The following CREBBP variants were observed in gnomAD, a reference collection of about 807,000 sequenced individuals.
CREBBP encodes the protein CREB-binding protein.
CREBBP carries 19 observed loss-of-function variants against 265.0 expected under a neutral mutation model. The observed-to-expected ratio is 0.07, with a 90% confidence interval of 0.05 to 0.11. The LOEUF (loss-of-function observed/expected upper bound fraction) is 0.11. Among genes scored for constraint, CREBBP ranks in the 10% least tolerant of loss-of-function variants. The pLI, the probability that CREBBP is intolerant of heterozygous loss-of-function variation, is 1.00. For missense variants in CREBBP, 2,525 were observed against 3,219.0 expected (o/e 0.78, Z 5.22); for synonymous variants, 1,457 against 1,223.7 (o/e 1.19, Z -3.98).
intron 2 of CREBBP, among the ~76,000 whole-genome samples, 175 bp from the exon 3 acceptor site, chr16:3,810,954 A>G (rs2053927382): frequency 6.6e-6 from 1 of 151,306 alleles, no homozygotes; most frequent in Admixed American, 6.6e-5. Flanking sequence ...CCTAGCAGCC[A>G]CTCTCTCCTC....
At chr16:3,779,935 C>T (rs1001636120) in intron 8 of CREBBP, among the ~76,000 whole-genome samples, 2 of 151,860 alleles carry the variant, frequency 1.3e-5, no homozygotes, top group Non-Finnish European at 2.9e-5. Flanking sequence ...AAGACTCCGT[C>T]TCTCTCTCTC....
At chr16:3,876,334 T>G (rs113036831) in intron 1 of CREBBP, among the ~76,000 whole-genome samples, 2 of 133,028 alleles carry the variant, frequency 1.5e-5, no homozygotes, top group Non-Finnish European at 3.1e-5. Flanking sequence ...GCCACCACCC[T>G]GGCCTGCAAT....
At chr16:3,797,815 T>C (rs553307544) in intron 3 of CREBBP, among the ~76,000 whole-genome samples, 4 of 151,544 alleles carry the variant, frequency 2.6e-5, no homozygotes, top group African/African-American at 9.7e-5. Context: ...TGAATAAAAA[T>C]GGCTTAAAAT....
At chr16:3,871,099 A>G (rs565241994) in intron 1 of CREBBP, among the ~76,000 whole-genome samples, 1 of 152,042 alleles carries the variant, frequency 6.6e-6, no homozygotes, top group African/African-American at 2.4e-5. Flanking sequence ...AAAGAAAGAA[A>G]AAAGAAAGAA....
chr16:3,843,827 C>T (rs553219350), intron 2 of CREBBP, among the ~76,000 whole-genome samples: 3 of 152,068 alleles, frequency 2.0e-5, no homozygotes, highest in East Asian at 3.9e-4. Flanking sequence ...AATTCCAAAT[C>T]GATTTAAACT....
intron 1 of CREBBP, among the ~76,000 whole-genome samples, chr16:3,866,787 A>G (rs1284530778): frequency 1.3e-5 from 2 of 151,986 alleles, no homozygotes; most frequent in Admixed American, 1.3e-4. Flanking sequence ...ATATCTTTCT[A>G]CCCCTAAAAG....
intron 2 of CREBBP, among the ~76,000 whole-genome samples, chr16:3,813,945 C>A (rs130046): frequency 0.9 from 137,187 of 152,228 alleles, 63,233 homozygotes; most frequent in Non-Finnish European, 0.99. Context: ...TGCCCAGGCA[C>A]CCTGGCTCCA....
chr16:3,849,417 GTGTGT>G (rs2054741731), intron 2 of CREBBP, among the ~76,000 whole-genome samples: 1 of 7,100 alleles, frequency 1.4e-4, no homozygotes, highest in African/African-American at 1.7e-4. Flanking sequence ...GTGTGTGTGT[GTGTGT>G]GTGTGTGTGT....
At chr16:3,741,104 G>C (rs1205980256) in intron 23 of CREBBP, 1 of 167,516 alleles carries the variant, frequency 6.0e-6, no homozygotes, top group African/African-American at 2.4e-5. Flanking sequence ...CACGAATGAA[G>C]TTTCCGAGCC....
At chr16:3,748,234 C>T (rs576726059) in intron 21 of CREBBP, among the ~76,000 whole-genome samples, 88 of 150,442 alleles carry the variant, frequency 5.8e-4, no homozygotes, top group Admixed American at 6.6e-4. Context: ...GCCGAGATCG[C>T]GCCACTGCAC....
chr16:3,752,322 C>G (rs1376148133), intron 19 of CREBBP, among the ~76,000 whole-genome samples: 1 of 152,116 alleles, frequency 6.6e-6, no homozygotes, highest in African/African-American at 2.4e-5. Context: ...GCAATTTAAA[C>G]TGAAATAGCT....
intron 3 of CREBBP, among the ~76,000 whole-genome samples, chr16:3,800,840 C>T (rs973024061): frequency 1.3e-5 from 2 of 152,216 alleles, no homozygotes; most frequent in African/African-American, 4.8e-5. Context: ...GGCTAGATTA[C>T]ATAAAGACTG....
intron 1 of CREBBP, among the ~76,000 whole-genome samples, chr16:3,861,780 G>C (rs1178302181): frequency 6.9e-6 from 1 of 144,220 alleles, no homozygotes; most frequent in African/African-American, 2.6e-5. Flanking sequence ...TTTTTACAAT[G>C]ACTATTAGGA....
chr16:3,854,829 C>T (rs1012866881), intron 1 of CREBBP, among the ~76,000 whole-genome samples: 1 of 152,230 alleles, frequency 6.6e-6, no homozygotes, highest in Non-Finnish European at 1.5e-5. Context: ...GTCTAACACA[C>T]ACTTGTTATC....
chr16:3,736,921 C>A, intron 26 of CREBBP, 106 bp from the exon 27 acceptor site: 1 of 1,369,038 alleles, frequency 7.3e-7, no homozygotes, highest in Non-Finnish European at 1.0e-6. Context: ...ACAGAAGTAA[C>A]CAGAGAGAGA....
intron 15 of CREBBP, 53 bp from the exon 16 acceptor site, chr16:3,767,962 C>A (rs763823455): frequency 2.6e-5 from 40 of 1,548,106 alleles, no homozygotes; most frequent in Non-Finnish European, 3.4e-5. Flanking sequence ...TTTATGTTAC[C>A]GCAACCTCAC....
Position 3,725,542 on chromosome 16 carries a change from G to A in CREBBP, c.*2176C>T, listed in dbSNP as rs192964796. 4.8e-4 allele frequency: 113 copies of A among 233,316 alleles called. No homozygotes were observed. Among genetic ancestry groups the A allele is most frequent in the Non-Finnish European group, 6.1e-4 (72 of 118,060 alleles). 14.5% of individuals were successfully genotyped at this position (233,316 alleles called of 1,614,324 possible). A position where few individuals can be genotyped will look rare whatever the true frequency, so the allele number is the denominator to read the frequency against. ...CTGGAGGTTAAGAACCCAGCAGGCC[G>A]AGCAGTGGCAGCAATCTCCACCGGA... On this transcript the variant is annotated 3_prime_UTR_variant, in exon 31 of 31. Transcript: ENST00000262367.
intron 17 of CREBBP, 29 bp downstream of exon 17, chr16:3,758,825 T>A: frequency 1.3e-6 from 2 of 1,525,508 alleles, no homozygotes; most frequent in Non-Finnish European, 1.8e-6. Flanking sequence ...ACCAGCAAAG[T>A]TATAATCTAT....
chr16:3,765,776 T>G (rs1370906221), intron 16 of CREBBP, among the ~76,000 whole-genome samples: 1 of 152,042 alleles, frequency 6.6e-6, no homozygotes, highest in Non-Finnish European at 1.5e-5. Flanking sequence ...ACCTCTCGAG[T>G]AGCTGCAGCT....
Sources: allele counts gnomAD v4.1 joint callset (sites outside exome capture counted in the v4.1 genomes callset), GRCh38; gene constraint gnomAD v4.1.1; transcripts MANE v1.5; gene names NCBI Gene and HGNC (gene_info 2026-07-23, HGNC 2026-07-21).